KCNQ1: variants seen among roughly 807,000 people sequenced by gnomAD.
KCNQ1 encodes potassium voltage-gated channel subfamily Q member 1, also known as potassium voltage-gated channel subfamily KQT member 1.
In KCNQ1, 49 loss-of-function variants were observed where a neutral mutation model predicts 72.4. That is an observed-to-expected ratio of 0.68 (90% CI 0.54 to 0.86). The LOEUF is 0.86. KCNQ1 is among the 40% of genes least tolerant of loss of function. The probability of loss-of-function intolerance (pLI) is 0.00; values close to 1 mark genes in which losing one functional copy is unlikely to be tolerated. For synonymous variants in KCNQ1, 450 were observed against 412.6 expected, an observed-to-expected ratio of 1.09 and a Z score of -1.10; for missense variants, 790 against 945.1, an observed-to-expected ratio of 0.84 and a Z score of 2.15.
chr11:2,802,139 C>T (rs143219604), intron 15 of KCNQ1, among the ~76,000 whole-genome samples: 94 of 152,350 alleles, frequency 6.2e-4, no homozygotes, highest in African/African-American at 2.1e-3. Flanking sequence ...CCCTCCACTC[C>T]GCTTTTCCAG....
chr11:2,487,109 A>T (rs1284802396), intron 1 of KCNQ1, among the ~76,000 whole-genome samples: 1 of 152,194 alleles, frequency 6.6e-6, no homozygotes, highest in Non-Finnish European at 1.5e-5. Flanking sequence ...CAGTTTTCCC[A>T]GCACCATTTG....
intron 10 of KCNQ1, chr11:2,622,718 G>A (rs1849195291): frequency 2.5e-6 from 1 of 398,432 alleles, no homozygotes; most frequent in East Asian, 3.6e-5. Context: ...GTATTTTAAA[G>A]ACTTTATATT....
intron 1 of KCNQ1, among the ~76,000 whole-genome samples, chr11:2,465,722 G>C (rs1417398758): frequency 2.0e-5 from 3 of 152,222 alleles, no homozygotes. Flanking sequence ...CTGGGAGAAG[G>C]TTTACGGAGG....
intron 11 of KCNQ1, chr11:2,692,326 TAGGCC>T: frequency 2.5e-6 from 1 of 398,980 alleles, no homozygotes; most frequent in Non-Finnish European, 4.4e-6. Context: ...ACTGTCCTGA[TAGGCC>T]ACCATTTCTC....
In KCNQ1 at chr11:2,783,211, A is replaced by G. The variant is rs1291015351; in HGVS notation, c.1794+5174A>G. Among the ~76,000 whole-genome samples, 1 of 152,024 alleles carries G rather than the reference A, an allele frequency of 6.6e-6. No individual in the cohort carries two copies. The highest frequency in any genetic ancestry group is 2.4e-5 in the African/African-American group (1 of 41,408). ...TAGTATTTTTCTAATCTCCATTATG[A>G]TCTCTTGTTTATCCTAGGAGTTCTG... On this transcript the variant is annotated intron_variant, in intron 15 of 15. Coordinates refer to ENST00000155840, the MANE Select transcript of KCNQ1 (RefSeq NM_000218.3). This position sits in a 1 kb window ranked among gnomAD's most constrained non-coding sequence, Gnocchi z 5.2.
At chr11:2,470,624 C>T (rs527239546) in intron 1 of KCNQ1, among the ~76,000 whole-genome samples, 1 of 151,180 alleles carries the variant, frequency 6.6e-6, no homozygotes, top group South Asian at 2.1e-4. Context: ...TATCCAACCG[C>T]ACATCCATCA....
At chr11:2,807,265 G>A (rs1397217918) in intron 15 of KCNQ1, among the ~76,000 whole-genome samples, 4 of 152,220 alleles carry the variant, frequency 2.6e-5, no homozygotes, top group African/African-American at 9.6e-5. Flanking sequence ...GCTCTGAAAG[G>A]CCTCCTATTC....
rs1238239376 is a variant in KCNQ1 at position 2,659,960 on chromosome 11, T to TA, written c.1394-2000dup. ...TGCAAGTCCTTGACCTGATAGGTGA[T>TA]ATGCAAATATTCTTTCCAAGTCTGT... is the stretch of plus-strand genomic sequence containing the variant. On this transcript the variant is annotated intron_variant, in intron 10 of 15. Transcript: ENST00000155840. This position sits in a 1 kb window ranked among gnomAD's most constrained non-coding sequence, Gnocchi z 4.3. The TA allele has an allele frequency of 1.8e-5, 7 of 398,354 alleles. No homozygotes were observed. Among genetic ancestry groups the TA allele is most frequent in the Non-Finnish European group, 3.1e-5 (7 of 225,980 alleles). The allele number at this position is 398,354 out of a possible 1,614,324, so 24.7% of individuals were successfully genotyped here.
Position 2,659,196 on chromosome 11 carries a change from A to G in KCNQ1, c.1394-2765A>G, listed in dbSNP as rs1287297861. The G allele has an allele frequency of 2.5e-6, 1 of 398,618 alleles. No individual in the cohort carries two copies. Among genetic ancestry groups the G allele is most frequent in the Admixed American group, 4.4e-5 (1 of 22,736 alleles). 24.7% of individuals were successfully genotyped at this position (398,618 alleles called of 1,614,324 possible). On this transcript the variant is annotated intron_variant, in intron 10 of 15. Transcript: ENST00000155840. The surrounding 1 kb of genome is among the most constrained non-coding windows in gnomAD (Gnocchi z 4.3). Reference sequence around the variant, plus strand: ...AGATGTCTGGAGTCATGTGTCCACAATCCAGTATCATTCACAGAAGTTCCA... The same window carrying G: ...AGATGTCTGGAGTCATGTGTCCACAGTCCAGTATCATTCACAGAAGTTCCA...
rs1848631690 is a variant in KCNQ1 at position 2,588,804 on chromosome 11, C to CA, written c.1344dup (p.Glu449ArgfsTer14). 2 of 1,613,378 alleles carry CA rather than the reference C, an allele frequency of 1.2e-6. No homozygotes were observed. The highest frequency in any genetic ancestry group is 1.7e-6 in the Non-Finnish European group (2 of 1,179,934). On this transcript the variant is annotated frameshift_variant, in exon 10 of 16. Transcript: ENST00000155840. LOFTEE classifies it high-confidence loss of function. The surrounding 1 kb of genome is among the most constrained non-coding windows in gnomAD (Gnocchi z 5.6). Reference sequence around the variant, plus strand: ...GTCCCCCATATCACGTGCGACCCCCCAGAAGAGCGGCGGCTGGACCACTTC... The same window carrying CA: ...GTCCCCCATATCACGTGCGACCCCCCAAGAAGAGCGGCGGCTGGACCACTTC...
In KCNQ1 at chr11:2,752,756, A is replaced by C. The variant is rs111434306; in HGVS notation, c.1515-16088A>C. The stretch of plus-strand genomic sequence containing the variant: ...TCAGGGCTGCGGGTTAGCTTTCGAC[A>C]TAGGGACTTTGGGAAGACACACACA... On this transcript the variant is annotated intron_variant, in intron 11 of 15. Transcript: ENST00000155840. The surrounding 1 kb of genome is among the most constrained non-coding windows in gnomAD (Gnocchi z 5.2). Among the ~76,000 whole-genome samples, 7 of 152,292 alleles carry C rather than the reference A, an allele frequency of 4.6e-5. No homozygotes were observed. Among genetic ancestry groups the C allele is most frequent in the African/African-American group, 1.7e-4 (7 of 41,560 alleles).
intron 15 of KCNQ1, among the ~76,000 whole-genome samples, chr11:2,823,712 A>G (rs1309230480): frequency 2.0e-5 from 3 of 152,156 alleles, no homozygotes; most frequent in Non-Finnish European, 4.4e-5. Context: ...TCCCTGAGGG[A>G]GGTGTTGTTA....
Position 2,624,921 on chromosome 11 carries a change from A to T in KCNQ1, c.1393+36067A>T, listed in dbSNP as rs969783262. 5 of 398,166 alleles carry T rather than the reference A, an allele frequency of 1.3e-5. No homozygotes were observed. The highest frequency in any genetic ancestry group is 2.2e-5 in the Non-Finnish European group (5 of 225,976). The allele number at this position is 398,166 out of a possible 1,614,324, so 24.7% of individuals were successfully genotyped here. A position where few individuals can be genotyped will look rare whatever the true frequency, so the allele number is the denominator to read the frequency against. ...TGTTGTGGCATGTGTCAAAATTTCTATTTTTTTTAAAGCTGAATAATATTA... is the reference window on the plus strand; with the variant it reads ...TGTTGTGGCATGTGTCAAAATTTCTTTTTTTTTTAAAGCTGAATAATATTA... On this transcript the variant is annotated intron_variant, in intron 10 of 15. Coordinates refer to ENST00000155840, the MANE Select transcript of KCNQ1 (RefSeq NM_000218.3). The surrounding 1 kb of genome is among the most constrained non-coding windows in gnomAD (Gnocchi z 4.9).
Position 2,673,788 on chromosome 11 carries a change from A to G in KCNQ1, c.1514+11707A>G, listed in dbSNP as rs1424785414. On this transcript the variant is annotated intron_variant, in intron 11 of 15. Coordinates refer to ENST00000155840, the MANE Select transcript of KCNQ1 (RefSeq NM_000218.3). The surrounding 1 kb of genome is among the most constrained non-coding windows in gnomAD (Gnocchi z 4.5). ...CTGGTATGTTGGGAAGCTCTGGTGCAAAGGGCAGTGATGGCCCTTCAATCC... is the reference window on the plus strand; with the variant it reads ...CTGGTATGTTGGGAAGCTCTGGTGCGAAGGGCAGTGATGGCCCTTCAATCC... 1.3e-5 allele frequency: 5 copies of G among 398,602 alleles called. No homozygotes were observed. The highest frequency in any genetic ancestry group is 2.2e-5 in the Non-Finnish European group (5 of 226,146). The allele number at this position is 398,602 out of a possible 1,614,324, so 24.7% of individuals were successfully genotyped here.
rs1846715672 is a variant in KCNQ1 at position 2,484,919 on chromosome 11, A to G, written c.386+39435A>G. Among the ~76,000 whole-genome samples the G allele has an allele frequency of 6.6e-6, 1 of 152,146 alleles. No individual in the cohort carries two copies. The highest frequency in any genetic ancestry group is 6.5e-5 in the Admixed American group (1 of 15,284). On this transcript the variant is annotated intron_variant, in intron 1 of 15. Transcript: ENST00000155840. The surrounding 1 kb of genome is among the most constrained non-coding windows in gnomAD (Gnocchi z 5.2). ...TAACACCTTTCTTCAATAGTGAGAA[A>G]CCTGGCTCTCTCACCTTCACCTGCT...
rs559515189 is a variant in KCNQ1 at position 2,528,315 on chromosome 11, A to C, written c.477+297A>C. ...GGCTGGAAGGAAGGAAGGAGGAGGT[A>C]GGGTAGAGCTGGTGTGGCCAGCAAA... On this transcript the variant is annotated intron_variant, in intron 2 of 15. Transcript: ENST00000155840. Among the ~76,000 whole-genome samples the C allele has an allele frequency of 4.3e-4, 65 of 152,212 alleles. 1 individual carries two copies. Among genetic ancestry groups the C allele is most frequent in the African/African-American group, 1.4e-3 (59 of 41,536 alleles).
chr11:2,727,410 A>G (rs929110901), intron 11 of KCNQ1, among the ~76,000 whole-genome samples: 1 of 152,214 alleles, frequency 6.6e-6, no homozygotes, highest in Non-Finnish European at 1.5e-5. Context: ...TGTGTGAGTC[A>G]GGTGTCAGGG....
chr11:2,506,367 T>C (rs1238759756), intron 1 of KCNQ1, among the ~76,000 whole-genome samples: 1 of 152,204 alleles, frequency 6.6e-6, no homozygotes, highest in Non-Finnish European at 1.5e-5. Flanking sequence ...CCACTACATA[T>C]CAGTTCGTGG....
intron 10 of KCNQ1, chr11:2,643,921 A>T (rs1374438545): frequency 2.5e-6 from 1 of 398,424 alleles, no homozygotes; most frequent in Non-Finnish European, 4.4e-6. Flanking sequence ...CACTCTGCGT[A>T]TATAATCCCA....
Sources: allele counts gnomAD v4.1 joint callset (sites outside exome capture counted in the v4.1 genomes callset), GRCh38; gene constraint gnomAD v4.1.1; non-coding constraint Gnocchi (gnomAD v3.1); transcripts MANE v1.5; gene names NCBI Gene and HGNC (gene_info 2026-07-23, HGNC 2026-07-21).